RIPOR3: variants seen among roughly 807,000 people sequenced by gnomAD.
The protein encoded by RIPOR3 is RIPOR family member 3.
Under a neutral mutation model 114.3 loss-of-function variants are expected in RIPOR3, and 95 were observed. That is an observed-to-expected ratio of 0.83 (90% CI 0.70 to 0.99). The LOEUF is 0.99. Ranked by LOEUF, RIPOR3 falls within the 50% of genes least tolerant of loss-of-function variation. RIPOR3 has a pLI of 0.00. For missense variants in RIPOR3, 1,252 were observed against 1,266.9 expected (o/e 0.99, Z 0.18); for synonymous variants, 575 against 543.8 (o/e 1.06, Z -0.80).
intron 2 of RIPOR3, among the ~76,000 whole-genome samples, chr20:50,628,176 G>C (rs1377250465): frequency 6.6e-6 from 1 of 152,210 alleles, no homozygotes; most frequent in Non-Finnish European, 1.5e-5. Flanking sequence ...CACTTATGGA[G>C]TGCCTGCTGT....
intron 1 of RIPOR3, among the ~76,000 whole-genome samples, chr20:50,659,375 G>A (rs1352890188): frequency 3.3e-5 from 5 of 152,008 alleles, no homozygotes; most frequent in Admixed American, 6.6e-5. Context: ...GGCCGGGTGC[G>A]GTGGCTCACA....
Position 50,609,068 on chromosome 20 carries a change from G to C in RIPOR3, c.641-113C>G, listed in dbSNP as rs1010214342. The C allele has an allele frequency of 2.3e-4, 329 of 1,435,862 alleles. 1 individual carries two copies. The highest frequency in any genetic ancestry group is 3.0e-4 in the Non-Finnish European group (316 of 1,047,666). The allele number at this position is 1,435,862 out of a possible 1,614,324, so 88.9% of individuals were successfully genotyped here. On this transcript the variant is annotated intron_variant, in intron 8 of 21. Coordinates refer to ENST00000327979, the MANE Select transcript of RIPOR3 (RefSeq NM_001290268.2). ...TAGATTTTCAGTTTCAGTGGGGTGA[G>C]GATGGGGGGGAGGTACACCATCATG...
intron 4 of RIPOR3, among the ~76,000 whole-genome samples, chr20:50,611,634 C>T (rs927730591): frequency 2.6e-5 from 4 of 152,094 alleles, no homozygotes; most frequent in South Asian, 2.1e-4. Context: ...GGGATGGAAG[C>T]GGGAGGGGCA....
At chr20:50,618,207 C>G (rs974023956) in intron 3 of RIPOR3, among the ~76,000 whole-genome samples, 2 of 130,218 alleles carry the variant, frequency 1.5e-5, no homozygotes, top group Non-Finnish European at 3.1e-5. Context: ...GCAGAGGTTG[C>G]GGTGAGCTGA....
chr20:50,622,758 A>C (rs913582969), intron 2 of RIPOR3, among the ~76,000 whole-genome samples: 2 of 152,098 alleles, frequency 1.3e-5, no homozygotes, highest in Non-Finnish European at 2.9e-5. Context: ...CCTTTTATCA[A>C]AGCAACTTCA....
intron 21 of RIPOR3, 119 bp downstream of exon 21, chr20:50,587,683 G>A: frequency 3.3e-6 from 3 of 911,968 alleles, no homozygotes; most frequent in Admixed American, 2.2e-5. Flanking sequence ...GCTGCTAACG[G>A]TGCCCATCCC....
At chr20:50,592,621 T>C in intron 18 of RIPOR3, 75 bp from the exon 19 acceptor site, 1 of 1,300,022 alleles carries the variant, frequency 7.7e-7, no homozygotes, top group Non-Finnish European at 1.0e-6. Flanking sequence ...TTTGCTTGGC[T>C]GCTGCCAGTA....
chr20:50,685,320 G>A (rs1318980704), intron 1 of RIPOR3, among the ~76,000 whole-genome samples: 2 of 149,962 alleles, frequency 1.3e-5, no homozygotes, highest in Non-Finnish European at 3.0e-5. Context: ...AAGTTCAAGC[G>A]ATTCTCCTGC....
chr20:50,617,181 G>T (rs987524051), intron 3 of RIPOR3, among the ~76,000 whole-genome samples: 22 of 152,214 alleles, frequency 1.4e-4, no homozygotes, highest in African/African-American at 3.9e-4. Flanking sequence ...TGGGGGCCAA[G>T]GCAGGGAGTC....
In RIPOR3 at chr20:50,616,006, C is replaced by G; in HGVS notation, c.344G>C (p.Arg115Thr). Residue 115 changes from arginine to threonine, a missense_variant, in exon 4 of 22, where the codon AGG becomes ACG. Arg to Thr is a moderately conservative substitution (Grantham distance 71). Coordinates refer to ENST00000327979, the MANE Select transcript of RIPOR3 (RefSeq NM_001290268.2). The part of the protein sequence containing the change: ...GRHKDTRRNS[R>T]LAFYYDLDKQ... ...GCAGGCAGGGAGGGGTCTCACCAGCCTGGAATTCCTCCTGGTGTCTTTGTG... is the reference window on the plus strand; with the variant it reads ...GCAGGCAGGGAGGGGTCTCACCAGCGTGGAATTCCTCCTGGTGTCTTTGTG... 6.2e-7 allele frequency: 1 copy of G among 1,607,376 alleles called. No individual in the cohort carries two copies. Among genetic ancestry groups the G allele is most frequent in the Non-Finnish European group, 8.5e-7 (1 of 1,177,084 alleles).
chr20:50,655,521 C>G (rs915211017), intron 1 of RIPOR3, among the ~76,000 whole-genome samples: 4 of 152,180 alleles, frequency 2.6e-5, no homozygotes. Context: ...TTGTTAAGAT[C>G]GCCGACTTAA....
At chr20:50,620,915 T>C (rs987023054) in intron 2 of RIPOR3, 53 of 581,652 alleles carry the variant, frequency 9.1e-5, no homozygotes, top group Middle Eastern at 5.3e-4. Context: ...CTTTGCCCTG[T>C]ACAAGCAGCA....
chr20:50,667,576 G>A (rs1398742063), intron 1 of RIPOR3, among the ~76,000 whole-genome samples: 1 of 152,206 alleles, frequency 6.6e-6, no homozygotes, highest in African/African-American at 2.4e-5. Flanking sequence ...ACAGGCGTGA[G>A]CCACCGCGCC....
chr20:50,593,308 C>G, intron 17 of RIPOR3, 112 bp from the exon 18 acceptor site: 1 of 1,251,882 alleles, frequency 8.0e-7, no homozygotes. Flanking sequence ...CGCAGTGGCT[C>G]GCACCTGTAA....
At chr20:50,684,778 G>T (rs532117326) in intron 1 of RIPOR3, among the ~76,000 whole-genome samples, 2 of 152,250 alleles carry the variant, frequency 1.3e-5, no homozygotes, top group East Asian at 3.9e-4. Flanking sequence ...TTTCTTTTCT[G>T]TTCCTCTTTG....
At position 50,602,517 on chromosome 20, in the gene RIPOR3, G is replaced by A. The variant is rs898547295; in HGVS notation, c.1214C>T (p.Pro405Leu). The A allele has an allele frequency of 1.9e-6, 3 of 1,564,014 alleles. No individual in the cohort carries two copies. Among genetic ancestry groups the A allele is most frequent in the Admixed American group, 3.8e-5 (2 of 52,486 alleles). ...PSLRSQSQEL[P>L]EMDSFSSEDP... ...CTCAGAGCTGAAGGAGTCCATCTCAGGCAGCTCCTGACTCTGGCTTCTTAG... is the reference window on the plus strand; with the variant it reads ...CTCAGAGCTGAAGGAGTCCATCTCAAGCAGCTCCTGACTCTGGCTTCTTAG... The change falls in exon 13 of 22, where the codon CCT (proline) becomes CTT (leucine). Residue 405 changes from proline to leucine, a missense_variant. Coordinates refer to ENST00000327979, the MANE Select transcript of RIPOR3 (RefSeq NM_001290268.2). The surrounding 1 kb of genome is among the most constrained non-coding windows in gnomAD (Gnocchi z 4.3).
chr20:50,623,610 C>G (rs1042607560), intron 2 of RIPOR3, among the ~76,000 whole-genome samples: 4 of 152,134 alleles, frequency 2.6e-5, no homozygotes, highest in Admixed American at 6.5e-5. Flanking sequence ...GAAAGTCCAG[C>G]TTCCAACACC....
In RIPOR3 at chr20:50,630,852, G is replaced by A. The variant is rs1206428903; in HGVS notation, c.8C>T (p.Thr3Ile). The A allele has an allele frequency of 6.3e-7, 1 of 1,598,466 alleles. No individual in the cohort carries two copies. The highest frequency in any genetic ancestry group is 1.7e-5 in the Admixed American group (1 of 57,846). The change falls in exon 2 of 22, where the codon ACC becomes ATC. Residue 3 changes from threonine to isoleucine, a missense_variant. By Grantham distance (89) the Thr-to-Ile change is moderately conservative. Transcript: ENST00000327979. ...GAACCGCAACCTCACCGACATGGTGGTCACCTGCAAGGAGAGGACAGGAGA... is the reference window on the plus strand; with the variant it reads ...GAACCGCAACCTCACCGACATGGTGATCACCTGCAAGGAGAGGACAGGAGA... The part of the protein sequence containing the change: MV[T>I]TMSVRLRFLS...
At chr20:50,689,599 T>G (rs2087140829) in intron 1 of RIPOR3, among the ~76,000 whole-genome samples, 1 of 152,028 alleles carries the variant, frequency 6.6e-6, no homozygotes, top group Admixed American at 6.5e-5. Flanking sequence ...ATTTTAGAGG[T>G]TTCCTGAAAT....
Sources: allele counts gnomAD v4.1 joint callset (sites outside exome capture counted in the v4.1 genomes callset), GRCh38; gene constraint gnomAD v4.1.1; non-coding constraint Gnocchi (gnomAD v3.1); transcripts MANE v1.5; gene names NCBI Gene and HGNC (gene_info 2026-07-23, HGNC 2026-07-21).